Variants in ITGA2B observed in about 807,000 individuals in gnomAD.
The protein encoded by ITGA2B is integrin subunit alpha 2b, also known as integrin alpha-IIb.
ITGA2B carries 91 observed loss-of-function variants against 142.0 expected under a neutral mutation model. The ratio of observed to expected loss-of-function variants is 0.64; its 90% CI spans 0.54 to 0.76. The LOEUF (loss-of-function observed/expected upper bound fraction) is 0.76, where lower values mean the gene tolerates loss of function less well. Among genes scored for constraint, ITGA2B ranks in the 30% least tolerant of loss-of-function variants. The probability of loss-of-function intolerance (pLI) is 0.00; values close to 1 mark genes in which losing one functional copy is unlikely to be tolerated. For missense variants in ITGA2B, 1,231 were observed against 1,350.8 expected (o/e 0.91, Z 1.39); for synonymous variants, 536 against 567.2 (o/e 0.94, Z 0.78).
In ITGA2B at chr17:44,380,540, C is replaced by G. The variant is rs372662341; in HGVS notation, c.1440-50G>C. ...GGCTTGCCATTGTGGCTCCTCCTGG[C>G]CTGGCCTCCTCTTGATGGCACAGGA... is the stretch of plus-strand genomic sequence containing the variant. On this transcript the variant is annotated intron_variant, in intron 14 of 29. Transcript: ENST00000262407. 6.8e-6 allele frequency: 11 copies of G among 1,613,862 alleles called. No individual in the cohort carries two copies. The African/African-American group carries it at 1.5e-4, about 22-fold the overall frequency.
chr17:44,385,724 A>T lies in ITGA2B; in HGVS notation c.409-8T>A. On this transcript the variant is annotated splice_region_variant and splice_polypyrimidine_tract_variant and intron_variant, in intron 3 of 29. Coordinates refer to ENST00000262407, the MANE Select transcript of ITGA2B (RefSeq NM_000419.5). ...CTGCCAGGGGGCGCAGGCCTGGAGA[A>T]AGGCCACAGGAGTGGGGACGGGCGC... The T allele has an allele frequency of 6.2e-7, 1 of 1,613,608 alleles. No individual in the cohort carries two copies. Among genetic ancestry groups the T allele is most frequent in the Non-Finnish European group, 8.5e-7 (1 of 1,179,976 alleles).
intron 1 of ITGA2B, among the ~76,000 whole-genome samples, chr17:44,388,312 A>G (rs2048667224): frequency 6.6e-6 from 1 of 151,812 alleles, no homozygotes; most frequent in Admixed American, 6.6e-5. Flanking sequence ...TAGTTCTGCA[A>G]ATCAATTTAG....
At chr17:44,379,103 C>T (rs1290510469) in intron 18 of ITGA2B, among the ~76,000 whole-genome samples, 7 of 151,566 alleles carry the variant, frequency 4.6e-5, no homozygotes, top group African/African-American at 1.5e-4. Flanking sequence ...CCCGCCACCA[C>T]GCCCAGCTAA....
chr17:44,382,285 C>G (rs2048603722), intron 12 of ITGA2B, among the ~76,000 whole-genome samples: 1 of 151,956 alleles, frequency 6.6e-6, no homozygotes, highest in Non-Finnish European at 1.5e-5. Context: ...TCTTTTTCCT[C>G]TTATAGTCAA....
chr17:44,380,797 C>T (rs752117056), intron 13 of ITGA2B, 82 bp downstream of exon 13: 278 of 1,578,518 alleles, frequency 1.8e-4, no homozygotes, highest in Non-Finnish European at 2.3e-4. Context: ...AGGCATGAGC[C>T]CCTGGCCGTG....
At chr17:44,381,758 CA>C (rs1208314584) in intron 12 of ITGA2B, among the ~76,000 whole-genome samples, 1 of 152,080 alleles carries the variant, frequency 6.6e-6, no homozygotes, top group Non-Finnish European at 1.5e-5. Flanking sequence ...CTCAGCTTCC[CA>C]AGCAGTTGAG....
Position 44,385,900 on chromosome 17 carries a change from C to A in ITGA2B, c.332G>T (p.Gly111Val), listed in dbSNP as rs1378357391. Residue 111 changes from glycine to valine, a missense_variant, in exon 3 of 30, where the codon GGC (glycine) becomes GTC (valine). Gly to Val is a moderately radical substitution (Grantham distance 109). Coordinates refer to ENST00000262407, the MANE Select transcript of ITGA2B (RefSeq NM_000419.5). ...CTTGAAGGTTTGTAAAGTTTGGGAG[C>A]CTACATTTCGGGTCTCATCACCTGG... The part of the protein sequence containing the change: ...FDLRDETRNV[G>V]SQTLQTFKAR... 9 of 1,611,770 alleles carry A rather than the reference C, an allele frequency of 5.6e-6. No individual in the cohort carries two copies. Among genetic ancestry groups the A allele is most frequent in the Admixed American group, 1.7e-5 (1 of 59,556 alleles).
intron 29 of ITGA2B, 132 bp downstream of exon 29, chr17:44,374,222 T>C: frequency 1.2e-6 from 1 of 809,086 alleles, no homozygotes; most frequent in Non-Finnish European, 2.2e-6. Context: ...GACATTCTAA[T>C]AGTGGAGACA....
Position 44,380,172 on chromosome 17 carries a change from G to C in ITGA2B, c.1601-19C>G. On this transcript the variant is annotated intron_variant, in intron 16 of 29. Coordinates refer to ENST00000262407, the MANE Select transcript of ITGA2B (RefSeq NM_000419.5). Reference sequence around the variant, plus strand: ...TTTAGGGCTGGCAGGGCAAGCAGAAGAGTCAGGACCTCCCTGGCCAGCCTC... The same window carrying C: ...TTTAGGGCTGGCAGGGCAAGCAGAACAGTCAGGACCTCCCTGGCCAGCCTC... 6.2e-7 allele frequency: 1 copy of C among 1,613,760 alleles called. No individual in the cohort carries two copies. Among genetic ancestry groups the C allele is most frequent in the Non-Finnish European group, 8.5e-7 (1 of 1,179,982 alleles).
chr17:44,372,240 GGAAAC>G lies in ITGA2B; in HGVS notation c.*119_*123del. 1 of 946,078 alleles carries G rather than the reference GGAAAC, an allele frequency of 1.1e-6. No homozygotes were observed. The highest frequency in any genetic ancestry group is 1.7e-6 in the Non-Finnish European group (1 of 593,944). 58.6% of individuals were successfully genotyped at this position (946,078 alleles called of 1,614,324 possible). A position where few individuals can be genotyped will look rare whatever the true frequency, so the allele number is the denominator to read the frequency against. ...GGGGGTAGCCCAGCTCTGTTGGGAG[GGAAAC>G]GACACCAAGAGGACCCAATGGAACA... On this transcript the variant is annotated 3_prime_UTR_variant, in exon 30 of 30. Coordinates refer to ENST00000262407, the MANE Select transcript of ITGA2B (RefSeq NM_000419.5).
In ITGA2B at chr17:44,379,669, C is replaced by T. The variant is rs769972020; in HGVS notation, c.1878+20G>A. ...ATCAGGGGTCCTGCACCTCCCTGGC[C>T]TGTCCCTGCCTGTCCCTACCTGCTC... On this transcript the variant is annotated intron_variant, in intron 18 of 29. Coordinates refer to ENST00000262407, the MANE Select transcript of ITGA2B (RefSeq NM_000419.5). 1.2e-5 allele frequency: 20 copies of T among 1,613,726 alleles called. No homozygotes were observed. The highest frequency in any genetic ancestry group is 4.0e-5 in the African/African-American group (3 of 74,922).
rs773921085 is a variant in ITGA2B, at chr17:44,380,941, G to T, written c.1331C>A (p.Thr444Lys). The T allele has an allele frequency of 6.2e-7, 1 of 1,614,150 alleles. No homozygotes were observed. The highest frequency in any genetic ancestry group is 8.5e-7 in the Non-Finnish European group (1 of 1,180,044). Residue 444 changes from threonine (T) to lysine (K), a missense_variant, in exon 13 of 30, where the codon ACA becomes AAA. This residue lies in a region of ITGA2B where 908 missense variants were observed against 1,021.1 expected (regional missense o/e 0.89). Transcript: ENST00000262407. ...PSQVLDSPFP[T>K]GSAFGFSLRG... is the part of the protein sequence containing the mutation. ...AAGGGAGAAGCCAAAGGCAGAGCCT[G>T]TGGGGAAGGGGCTGTCCAGGACCTG... is the stretch of plus-strand genomic sequence containing the variant.
rs2048591713 is a variant in ITGA2B at position 44,380,950 on chromosome 17, G to A, written c.1322C>T (p.Pro441Leu). 1 of 1,614,240 alleles carries A rather than the reference G, an allele frequency of 6.2e-7. No individual in the cohort carries two copies. The highest frequency in any genetic ancestry group is 8.5e-7 in the Non-Finnish European group (1 of 1,180,030). ...RSRPSQVLDS[P>L]FPTGSAFGFS... The stretch of plus-strand genomic sequence containing the variant: ...GCCAAAGGCAGAGCCTGTGGGGAAG[G>A]GGCTGTCCAGGACCTGGGAGGGACG... The change falls in exon 13 of 30, where the codon CCC becomes CTC. Residue 441 changes from proline to leucine, a missense_variant. By Grantham distance (98) the Pro-to-Leu change is moderately conservative. Transcript: ENST00000262407.
intron 21 of ITGA2B, 43 bp from the exon 22 acceptor site, chr17:44,377,131 C>G: frequency 2.8e-6 from 4 of 1,432,460 alleles, no homozygotes; most frequent in Non-Finnish European, 3.8e-6. Flanking sequence ...AAGTGCCCCA[C>G]TTAGGACAGC....
At chr17:44,379,618 G>C (rs773840683) in intron 18 of ITGA2B, 71 bp downstream of exon 18, 94 of 1,608,612 alleles carry the variant, frequency 5.8e-5, no homozygotes, top group Non-Finnish European at 7.5e-5. Context: ...ATTGTGACTT[G>C]GCACTAACCC....
chr17:44,376,123 A>G lies in ITGA2B; in HGVS notation c.2410T>C (p.Leu804=). The G allele has an allele frequency of 6.2e-7, 1 of 1,614,088 alleles. No individual in the cohort carries two copies. The highest frequency in any genetic ancestry group is 8.5e-7 in the Non-Finnish European group (1 of 1,180,006). Reference sequence around the variant, plus strand: ...TCCACTTTGGGTCCCCAGCTGTCCAAGCTGTTCTGCTCCCTCTCACCTTCT... The same window carrying G: ...TCCACTTTGGGTCCCCAGCTGTCCAGGCTGTTCTGCTCCCTCTCACCTTCT... ...AEEGEREQNS[L]DSWGPKVEHT... The change falls in exon 24 of 30, where the codon TTG becomes CTG. Residue 804 remains leucine, a synonymous_variant. Transcript: ENST00000262407.
Position 44,375,905 on chromosome 17 carries a change from C to G in ITGA2B, c.2529G>C (p.Leu843=). 2 of 1,612,328 alleles carry G rather than the reference C, an allele frequency of 1.2e-6. No individual in the cohort carries two copies. Among genetic ancestry groups the G allele is most frequent in the Non-Finnish European group, 1.7e-6 (2 of 1,179,398 alleles). Residue 843 remains leucine, a synonymous_variant, in exon 25 of 30, where the codon CTG becomes CTC. Transcript: ENST00000262407. ...HLPGQSQPSD[L]LYILDIQPQG... The stretch of plus-strand genomic sequence containing the variant: ...GGGGCTGTATATCCAGGATGTAGAG[C>G]AGGTCGGAGGGCTGGGACTGTCCCG...
At chr17:44,383,240 G>A (rs567053263) in intron 12 of ITGA2B, among the ~76,000 whole-genome samples, 12 of 152,216 alleles carry the variant, frequency 7.9e-5, no homozygotes, top group African/African-American at 2.9e-4. Context: ...TATCTGTGAA[G>A]TCACTCCCAT....
At chr17:44,373,732 T>TA (rs986841889) in intron 29 of ITGA2B, among the ~76,000 whole-genome samples, 1 of 152,174 alleles carries the variant, frequency 6.6e-6, no homozygotes, top group Non-Finnish European at 1.5e-5. Context: ...AGGCAGGACT[T>TA]ACACCCTCTA....
Sources: allele counts gnomAD v4.1 joint callset (sites outside exome capture counted in the v4.1 genomes callset), GRCh38; gene constraint gnomAD v4.1.1; regional missense constraint gnomAD v4.1.1; transcripts MANE v1.5; gene names NCBI Gene and HGNC (gene_info 2026-07-23, HGNC 2026-07-21).